The following GRID2 variants were observed in gnomAD, a reference collection of about 807,000 sequenced individuals.
GRID2 encodes the protein glutamate ionotropic receptor delta type subunit 2, also known as glutamate receptor ionotropic, delta-2.
Under a neutral mutation model 114.8 loss-of-function variants are expected in GRID2, and 33 were observed. The ratio of observed to expected loss-of-function variants is 0.29; its 90% confidence interval spans 0.22 to 0.38. The LOEUF is 0.38. Ranked by LOEUF, GRID2 falls within the 10% of genes least tolerant of loss-of-function variation. GRID2 has a pLI of 1.00. For missense variants in GRID2, 1,184 were observed against 1,257.7 expected, an observed-to-expected ratio of 0.94 and a Z score of 0.89; for synonymous variants, 505 against 449.9, an observed-to-expected ratio of 1.12 and a Z score of -1.55.
At chr4:93,207,882 CACAGA>C (rs1189519276) in intron 5 of GRID2, among the ~76,000 whole-genome samples, 1 of 151,936 alleles carries the variant, frequency 6.6e-6, no homozygotes, top group Non-Finnish European at 1.5e-5. Context: ...TATGAATAAA[CACAGA>C]ACAGATTTTT....
chr4:93,032,737 A>G (rs1724551537), intron 2 of GRID2, among the ~76,000 whole-genome samples: 1 of 152,216 alleles, frequency 6.6e-6, no homozygotes, highest in Admixed American at 6.5e-5. Context: ...CAATTATCAT[A>G]TTTAGGCTGA....
chr4:92,701,914 A>G (rs1734692964), intron 2 of GRID2, among the ~76,000 whole-genome samples: 2 of 152,138 alleles, frequency 1.3e-5, no homozygotes, highest in Admixed American at 1.3e-4. Flanking sequence ...AGTTTAAGCA[A>G]ATTATTATAC....
intron 2 of GRID2, among the ~76,000 whole-genome samples, chr4:92,917,213 T>A (rs1202018242): frequency 6.6e-6 from 1 of 152,190 alleles, no homozygotes; most frequent in African/African-American, 2.4e-5. Flanking sequence ...GGTTGTTTGT[T>A]TTTTTCTTGT....
At chr4:93,715,154 A>C (rs1728802708) in intron 14 of GRID2, among the ~76,000 whole-genome samples, 1 of 152,110 alleles carries the variant, frequency 6.6e-6, no homozygotes, top group South Asian at 2.1e-4. Context: ...CCTATGGCTA[A>C]CCAGTTCTTC....
chr4:93,603,002 G>A (rs1181690480), intron 13 of GRID2, among the ~76,000 whole-genome samples: 1 of 152,182 alleles, frequency 6.6e-6, no homozygotes, highest in African/African-American at 2.4e-5. Flanking sequence ...CTGAGGTCAG[G>A]AGTTCGAGAC....
intron 14 of GRID2, among the ~76,000 whole-genome samples, chr4:93,747,778 A>AT (rs1226011590): frequency 6.6e-6 from 1 of 152,014 alleles, no homozygotes. Context: ...AGAAAAATCA[A>AT]TGTTGATTTG....
chr4:93,592,568 T>TAGGTC (rs1331528470), intron 13 of GRID2, among the ~76,000 whole-genome samples: 2 of 152,184 alleles, frequency 1.3e-5, no homozygotes, highest in Non-Finnish European at 2.9e-5. Flanking sequence ...AGATGTCTAT[T>TAGGTC]AGGTCTGCTT....
chr4:93,405,507 C>T (rs1422963216), intron 9 of GRID2, among the ~76,000 whole-genome samples: 1 of 152,092 alleles, frequency 6.6e-6, no homozygotes, highest in Non-Finnish European at 1.5e-5. Flanking sequence ...GTAAATATTT[C>T]AGAGATGTGT....
intron 2 of GRID2, among the ~76,000 whole-genome samples, chr4:92,648,053 G>T (rs1731735279): frequency 6.7e-6 from 1 of 149,580 alleles, no homozygotes; most frequent in Admixed American, 6.6e-5. Context: ...ACTCATTGGG[G>T]ACATTTTTTA....
At chr4:93,265,516 A>T (rs1174261365) in intron 8 of GRID2, among the ~76,000 whole-genome samples, 1 of 152,180 alleles carries the variant, frequency 6.6e-6, no homozygotes, top group African/African-American at 2.4e-5. Context: ...TAATAAAACC[A>T]ACTTTCCCAT....
intron 2 of GRID2, among the ~76,000 whole-genome samples, chr4:93,064,125 A>C (rs1728052067): frequency 2.0e-5 from 1 of 51,098 alleles, no homozygotes; most frequent in African/African-American, 9.2e-5. Flanking sequence ...AATTTATTAA[A>C]ATATAATATA....
chr4:93,079,278 C>G (rs1477894890), intron 2 of GRID2, among the ~76,000 whole-genome samples: 1 of 151,800 alleles, frequency 6.6e-6, no homozygotes, highest in Non-Finnish European at 1.5e-5. Flanking sequence ...TGAAATTTTC[C>G]TTTATAAACA....
intron 2 of GRID2, among the ~76,000 whole-genome samples, chr4:92,772,713 T>A (rs188723869): frequency 3.3e-4 from 51 of 152,266 alleles, no homozygotes; most frequent in Non-Finnish European, 6.3e-4. Flanking sequence ...TGCCTGCAAT[T>A]TGAAACACAC....
chr4:93,727,065 G>A (rs1025473690), intron 14 of GRID2, among the ~76,000 whole-genome samples: 1 of 152,178 alleles, frequency 6.6e-6, no homozygotes, highest in Non-Finnish European at 1.5e-5. Context: ...ACTTGTGCCA[G>A]TTTTCAAAGG....
chr4:93,016,494 CAGTT>C (rs887230922), intron 2 of GRID2, among the ~76,000 whole-genome samples: 9 of 152,122 alleles, frequency 5.9e-5, no homozygotes, highest in African/African-American at 2.2e-4. Context: ...ATGAATTTGA[CAGTT>C]AGTCTTTAGA....
intron 1 of GRID2, among the ~76,000 whole-genome samples, chr4:92,478,340 A>G (rs918507222): frequency 6.6e-6 from 1 of 152,144 alleles, no homozygotes; most frequent in African/African-American, 2.4e-5. Context: ...TTGTATTTCA[A>G]ACTTAGTCCT....
At chr4:93,278,899 C>T (rs2149582154) in intron 8 of GRID2, among the ~76,000 whole-genome samples, 1 of 151,784 alleles carries the variant, frequency 6.6e-6, no homozygotes, top group South Asian at 2.1e-4. Flanking sequence ...AAAATATCTG[C>T]TCCCTTATTA....
chr4:93,090,345 AC>A (rs1578958863), intron 3 of GRID2, among the ~76,000 whole-genome samples: 1 of 152,132 alleles, frequency 6.6e-6, no homozygotes, highest in East Asian at 1.9e-4. Context: ...TTCTGCATAA[AC>A]CTTTCCACTT....
intron 2 of GRID2, among the ~76,000 whole-genome samples, chr4:92,817,921 A>C (rs971639116): frequency 6.6e-6 from 1 of 152,116 alleles, no homozygotes; most frequent in East Asian, 1.9e-4. Flanking sequence ...TTCATGTCCA[A>C]GTTTACAGAA....
Sources: allele counts gnomAD v4.1 joint callset (sites outside exome capture counted in the v4.1 genomes callset), GRCh38; gene constraint gnomAD v4.1.1; transcripts MANE v1.5; gene names NCBI Gene and HGNC (gene_info 2026-07-23, HGNC 2026-07-21).